Variants in MTMR6 observed in about 807,000 individuals in gnomAD.
MTMR6 encodes the protein phosphatidylinositol-3,5-bisphosphate 3-phosphatase MTMR6.
Under a neutral mutation model 80.1 loss-of-function variants are expected in MTMR6, and 47 were observed. The ratio of observed to expected loss-of-function variants is 0.59; its 90% confidence interval spans 0.46 to 0.75. The LOEUF (loss-of-function observed/expected upper bound fraction) is 0.75. MTMR6 is among the 30% of genes least tolerant of loss of function. The pLI, the probability that MTMR6 is intolerant of heterozygous loss-of-function variation, is 0.00. For missense variants in MTMR6, 629 were observed against 730.9 expected, an observed-to-expected ratio of 0.86 and a Z score of 1.61; for synonymous variants, 254 against 253.0, an observed-to-expected ratio of 1.00 and a Z score of -0.04.
intron 1 of MTMR6, among the ~76,000 whole-genome samples, chr13:25,284,429 A>T (rs1461003979): frequency 6.6e-6 from 1 of 152,176 alleles, no homozygotes; most frequent in African/African-American, 2.4e-5. Flanking sequence ...AAATTAACAG[A>T]TTTATACAAT....
In MTMR6 at chr13:25,248,572, G is replaced by T. The variant is rs1429719885; in HGVS notation, c.*660C>A. 6.6e-6 allele frequency: 1 copy of T among 152,246 alleles called. No individual in the cohort carries two copies. 9.4% of individuals were successfully genotyped at this position (152,246 alleles called of 1,614,324 possible). A position where few individuals can be genotyped will look rare whatever the true frequency, so the allele number is the denominator to read the frequency against. ...AATACAAAAGTGGGGCAGGCTAAAC[G>T]TGAACAGTGTACTTCTACAAGTGTT... On this transcript the variant is annotated 3_prime_UTR_variant, in exon 14 of 14. Transcript: ENST00000381801.
intron 1 of MTMR6, among the ~76,000 whole-genome samples, chr13:25,282,696 T>C (rs7996701): frequency 0.93 from 140,031 of 150,848 alleles, 65,894 homozygotes; most frequent in East Asian, 1. Flanking sequence ...ATCTCCATCT[T>C]CTGGGTTCAA....
In MTMR6 at chr13:25,282,813, C is replaced by G. The variant is rs538284464; in HGVS notation, c.24+4411G>C. Among the ~76,000 whole-genome samples, 21 of 151,872 alleles carry G rather than the reference C, an allele frequency of 1.4e-4. 1 individual carries two copies. The South Asian group carries it at 4.4e-3, about 32-fold the overall frequency. ...GTAAGACAGGGTTTCACCATGTTGG[C>G]CAGGCTGGTTTCAAACTCCTGACCT... On this transcript the variant is annotated intron_variant, in intron 1 of 13. Transcript: ENST00000381801.
intron 1 of MTMR6, among the ~76,000 whole-genome samples, chr13:25,283,387 T>G (rs1957900070): frequency 6.6e-6 from 1 of 152,192 alleles, no homozygotes; most frequent in South Asian, 2.1e-4. Flanking sequence ...AACACTTTAC[T>G]TGGAAAAAAG....
intron 13 of MTMR6, among the ~76,000 whole-genome samples, chr13:25,250,883 T>C (rs1957070427): frequency 6.6e-6 from 1 of 152,242 alleles, no homozygotes; most frequent in African/African-American, 2.4e-5. Flanking sequence ...ATAGATAGTC[T>C]TTGGTATTTT....
chr13:25,280,993 A>G (rs550476051), intron 1 of MTMR6, among the ~76,000 whole-genome samples: 7 of 152,298 alleles, frequency 4.6e-5, no homozygotes, highest in African/African-American at 1.7e-4. Flanking sequence ...GAACTGGAAA[A>G]CACAGAGAAC....
At chr13:25,286,460 G>A (rs1393587678) in intron 1 of MTMR6, among the ~76,000 whole-genome samples, 1 of 152,180 alleles carries the variant, frequency 6.6e-6, no homozygotes, top group Admixed American at 6.5e-5. Flanking sequence ...CGTTGGAAAC[G>A]TAATTTGGTA....
At chr13:25,257,894 G>T in intron 7 of MTMR6, 49 bp from the exon 8 acceptor site, 2 of 1,358,902 alleles carry the variant, frequency 1.5e-6, no homozygotes, top group Non-Finnish European at 2.1e-6. Context: ...TAGAGTTTCT[G>T]CATTTCTTTT....
rs1043798389 is a variant in MTMR6 at position 25,287,485 on chromosome 13, G to T, written c.-238C>A. 23 of 567,408 alleles carry T rather than the reference G, an allele frequency of 4.1e-5. No homozygotes were observed. The East Asian group carries it at 6.9e-4, about 17-fold the overall frequency. 35.1% of individuals were successfully genotyped at this position (567,408 alleles called of 1,614,324 possible). On this transcript the variant is annotated 5_prime_UTR_variant, in exon 1 of 14. Coordinates refer to ENST00000381801, the MANE Select transcript of MTMR6 (RefSeq NM_004685.5). Reference sequence around the variant, plus strand: ...GACTCGGGGCAGGCAGACAGAGCGTGTGTGGACCGAGAGCGGCTTGCTGGT... The same window carrying T: ...GACTCGGGGCAGGCAGACAGAGCGTTTGTGGACCGAGAGCGGCTTGCTGGT...
chr13:25,275,729 C>T lies in MTMR6; in HGVS notation c.25-1542G>A, dbSNP rs551576472. On this transcript the variant is annotated intron_variant, in intron 1 of 13. Transcript: ENST00000381801. ...ACAAAAAATTAGCTAGGTGTAGTGG[C>T]GGGCGCCTATAATCCTAGCTACTCG... Among the ~76,000 whole-genome samples, 7 of 151,452 alleles carry T rather than the reference C, an allele frequency of 4.6e-5. No homozygotes were observed. In the East Asian group the frequency reaches 9.8e-4, roughly 21 times the overall value.
In MTMR6 at chr13:25,287,369, T is replaced by G. The variant is rs1593162197; in HGVS notation, c.-122A>C. On this transcript the variant is annotated 5_prime_UTR_variant, in exon 1 of 14. Coordinates refer to ENST00000381801, the MANE Select transcript of MTMR6 (RefSeq NM_004685.5). ...TCCACCAGCCAGCGCCGCGGGTCTGTCTGCCGGCCCCGGTGGCGTCAACGG... is the reference window on the plus strand; with the variant it reads ...TCCACCAGCCAGCGCCGCGGGTCTGGCTGCCGGCCCCGGTGGCGTCAACGG... The G allele has an allele frequency of 6.7e-6, 9 of 1,339,062 alleles. No homozygotes were observed. The highest frequency in any genetic ancestry group is 8.3e-6 in the Non-Finnish European group (8 of 968,572). 82.9% of individuals were successfully genotyped at this position (1,339,062 alleles called of 1,614,324 possible).
Position 25,249,175 on chromosome 13 carries a change from A to T in MTMR6, c.*57T>A. 1 of 1,571,102 alleles carries T rather than the reference A, an allele frequency of 6.4e-7. No homozygotes were observed. Among genetic ancestry groups the T allele is most frequent in the Non-Finnish European group, 8.7e-7 (1 of 1,154,350 alleles). ...TTCCTTTTGGTTATGCTTACAGACC[A>T]TCCTCACAATAATCCTTTTCTTGTA... On this transcript the variant is annotated 3_prime_UTR_variant, in exon 14 of 14. Transcript: ENST00000381801.
intron 1 of MTMR6, among the ~76,000 whole-genome samples, chr13:25,282,820 G>C (rs1293362407): frequency 8.6e-5 from 13 of 151,656 alleles, no homozygotes; most frequent in Admixed American, 8.6e-4. Context: ...TGGCCAGGCT[G>C]GTTTCAAACT....
At chr13:25,260,736 A>G in intron 6 of MTMR6, 1 of 982,528 alleles carries the variant, frequency 1.0e-6, no homozygotes, top group Admixed American at 3.9e-5. Context: ...TGAGGATTTT[A>G]ATTATTTTAG....
chr13:25,275,674 A>G (rs1957703024), intron 1 of MTMR6, among the ~76,000 whole-genome samples: 6 of 151,870 alleles, frequency 4.0e-5, no homozygotes, highest in Admixed American at 3.9e-4. Flanking sequence ...AGCCTGCCCA[A>G]CATGGTGAAA....
chr13:25,250,796 C>T (rs893511314), intron 13 of MTMR6, among the ~76,000 whole-genome samples: 2 of 152,236 alleles, frequency 1.3e-5, no homozygotes, highest in Admixed American at 6.5e-5. Flanking sequence ...AGTTTTAAAA[C>T]ATCAGTTTCT....
At position 25,265,892 on chromosome 13, in the gene MTMR6, A is replaced by AT; in HGVS notation, c.517dup (p.Ile173AsnfsTer5). ...CCGGAACTTGGAACTACCAACAATTATTGGTTTGCTTGCTATCCGGGGAAC... is the reference window on the plus strand; with the variant it reads ...CCGGAACTTGGAACTACCAACAATTATTTGGTTTGCTTGCTATCCGGGGAAC... On this transcript the variant is annotated frameshift_variant, in exon 5 of 14. Coordinates refer to ENST00000381801, the MANE Select transcript of MTMR6 (RefSeq NM_004685.5). LOFTEE classifies it high-confidence loss of function. 1 of 1,613,944 alleles carries AT rather than the reference A, an allele frequency of 6.2e-7. No individual in the cohort carries two copies. Among genetic ancestry groups the AT allele is most frequent in the Non-Finnish European group, 8.5e-7 (1 of 1,179,810 alleles).
At chr13:25,259,502 A>G (rs1314503617) in intron 6 of MTMR6, among the ~76,000 whole-genome samples, 2 of 152,234 alleles carry the variant, frequency 1.3e-5, no homozygotes, top group Non-Finnish European at 2.9e-5. Flanking sequence ...CAGTTTGGTA[A>G]CAAGTACAGT....
Position 25,249,331 on chromosome 13 carries a change from G to A in MTMR6, c.1767C>T (p.Ser589=). The change falls in exon 14 of 14, where the codon AGC becomes AGT. Residue 589 remains serine, a synonymous_variant. Transcript: ENST00000381801. ...NDALRTIEGS[S]PADNRYSEYA... ...ATTCACTATAACGATTATCTGCCGGGCTGCTGCCCTCTATAGTTCGAAGAG... is the reference window on the plus strand; with the variant it reads ...ATTCACTATAACGATTATCTGCCGGACTGCTGCCCTCTATAGTTCGAAGAG... 1.2e-6 allele frequency: 2 copies of A among 1,614,116 alleles called. No individual in the cohort carries two copies. Among genetic ancestry groups the A allele is most frequent in the Middle Eastern group, 1.6e-4 (1 of 6,062 alleles).
Sources: allele counts gnomAD v4.1 joint callset (sites outside exome capture counted in the v4.1 genomes callset), GRCh38; gene constraint gnomAD v4.1.1; transcripts MANE v1.5; gene names NCBI Gene and HGNC (gene_info 2026-07-23, HGNC 2026-07-21).